The following FAM149B1 variants were observed in gnomAD, a reference collection of about 807,000 sequenced individuals.
FAM149B1 encodes family with sequence similarity 149 member B1, also known as primary cilium assembly protein FAM149B1.
A neutral mutation model predicts 75.3 loss-of-function variants in FAM149B1; 56 were observed. The observed-to-expected ratio is 0.74, with a 90% CI of 0.60 to 0.93. The LOEUF (loss-of-function observed/expected upper bound fraction) is 0.93. FAM149B1 is among the 40% of genes least tolerant of loss of function. The pLI is 0.00. For missense variants in FAM149B1, 639 were observed against 708.4 expected (o/e 0.90, Z 1.11); for synonymous variants, 259 against 256.1 (o/e 1.01, Z -0.11).
intron 1 of FAM149B1, among the ~76,000 whole-genome samples, chr10:73,170,403 C>G (rs1302938337): frequency 6.6e-6 from 1 of 152,022 alleles, no homozygotes; most frequent in African/African-American, 2.4e-5. Context: ...ACTTGGGAGG[C>G]CGAGGCATGA....
At position 73,192,702 on chromosome 10, in the gene FAM149B1, C is replaced by T; in HGVS notation, c.425+4C>T. ...CAGCTAGCTTTCCTCACCTCAGGTA[C>T]TGAAGCCCTCCAGTTGACTTGTATT... On this transcript the variant is annotated splice_donor_region_variant and intron_variant, in intron 4 of 13. Transcript: ENST00000242505. The T allele has an allele frequency of 1.3e-6, 2 of 1,528,642 alleles. No individual in the cohort carries two copies. Among genetic ancestry groups the T allele is most frequent in the Non-Finnish European group, 1.8e-6 (2 of 1,140,476 alleles). 94.7% of individuals were successfully genotyped at this position (1,528,642 alleles called of 1,614,324 possible). A position where few individuals can be genotyped will look rare whatever the true frequency, so the allele number is the denominator to read the frequency against.
At chr10:73,190,299 G>A (rs900171395) in intron 3 of FAM149B1, among the ~76,000 whole-genome samples, 2 of 150,928 alleles carry the variant, frequency 1.3e-5, no homozygotes, top group African/African-American at 4.9e-5. Flanking sequence ...TCAGGTGAAA[G>A]ACAATTTTTT....
chr10:73,188,828 T>C (rs1371274371), intron 3 of FAM149B1, among the ~76,000 whole-genome samples: 1 of 147,726 alleles, frequency 6.8e-6, no homozygotes, highest in Non-Finnish European at 1.5e-5. Context: ...AGATCACAGA[T>C]TGGGAGAGAA....
At chr10:73,205,056 G>A (rs187961764) in intron 5 of FAM149B1, among the ~76,000 whole-genome samples, 14 of 133,702 alleles carry the variant, frequency 1.0e-4, no homozygotes, top group South Asian at 2.4e-4. Context: ...CTTGTGATCC[G>A]CCTGCCTCAG....
In FAM149B1 at chr10:73,193,558, T is replaced by C; in HGVS notation, c.507T>C (p.Tyr169=). 6.4e-7 allele frequency: 1 copy of C among 1,550,968 alleles called. No homozygotes were observed. The highest frequency in any genetic ancestry group is 1.2e-5 in the South Asian group (1 of 84,036). Residue 169 remains tyrosine, a synonymous_variant, in exon 5 of 14, where the codon TAT becomes TAC. Coordinates refer to ENST00000242505, the MANE Select transcript of FAM149B1 (RefSeq NM_173348.2). ...CCCCTTCTGCTGTTTCCGCTTCATA[T>C]GAAACAACCTTGTCTCAAGAAAGAG... ...PRSPSAVSAS[Y]ETTLSQERDS...
At chr10:73,204,255 G>C (rs374007369) in intron 5 of FAM149B1, among the ~76,000 whole-genome samples, 1 of 152,112 alleles carries the variant, frequency 6.6e-6, no homozygotes, top group Non-Finnish European at 1.5e-5. Flanking sequence ...CTCCCAGGTA[G>C]CTGGGATTAC....
At chr10:73,235,153 A>T (rs759716392) in intron 11 of FAM149B1, 40 bp from the exon 12 acceptor site, 4 of 1,548,604 alleles carry the variant, frequency 2.6e-6, no homozygotes, top group Non-Finnish European at 3.5e-6. Context: ...CACATTACAG[A>T]TAGTTTTCAC....
chr10:73,208,783 A>G lies in FAM149B1; in HGVS notation c.707A>G (p.Asp236Gly). 5 of 1,489,930 alleles carry G rather than the reference A, an allele frequency of 3.4e-6. No individual in the cohort carries two copies. The highest frequency in any genetic ancestry group is 3.6e-6 in the Non-Finnish European group (4 of 1,110,682). 92.3% of individuals were successfully genotyped at this position (1,489,930 alleles called of 1,614,324 possible). A position where few individuals can be genotyped will look rare whatever the true frequency, so the allele number is the denominator to read the frequency against. Residue 236 changes from aspartate to glycine, a missense_variant, in exon 6 of 14, where the codon GAT becomes GGT. By Grantham distance (94) the Asp-to-Gly change is moderately conservative. Coordinates refer to ENST00000242505, the MANE Select transcript of FAM149B1 (RefSeq NM_173348.2). ...IEEYLAFDHIDIEEGFHGKKS... is the reference protein window; with the variant it reads ...IEEYLAFDHIGIEEGFHGKKS... ...GAATACCTAGCATTCGATCACATAGATATGTGAGTATTATGCCTTTTAAGC... is the reference window on the plus strand; with the variant it reads ...GAATACCTAGCATTCGATCACATAGGTATGTGAGTATTATGCCTTTTAAGC...
intron 3 of FAM149B1, among the ~76,000 whole-genome samples, chr10:73,187,665 G>T (rs2042562829): frequency 6.6e-6 from 1 of 151,958 alleles, no homozygotes; most frequent in Admixed American, 6.6e-5. Context: ...GGAGGTGGAG[G>T]TTGCTGTGAG....
At chr10:73,230,621 A>C in intron 9 of FAM149B1, 96 bp downstream of exon 9, 1 of 678,830 alleles carries the variant, frequency 1.5e-6, no homozygotes, top group Non-Finnish European at 2.6e-6. Flanking sequence ...AGTGCCAACC[A>C]AGCAACCACA....
At chr10:73,240,583 A>G (rs574653203) in intron 13 of FAM149B1, among the ~76,000 whole-genome samples, 38 of 152,088 alleles carry the variant, frequency 2.5e-4, no homozygotes, top group Non-Finnish European at 3.5e-4. Context: ...GTGGTGGCAG[A>G]TGCCTGTAGT....
At chr10:73,192,518 A>T (rs1223871136) in intron 3 of FAM149B1, 38 bp from the exon 4 acceptor site, 1 of 1,539,602 alleles carries the variant, frequency 6.5e-7, no homozygotes, top group African/African-American at 1.4e-5. Context: ...AGAGTGAATC[A>T]GCTCACCTAA....
At chr10:73,170,323 T>G (rs1269675323) in intron 1 of FAM149B1, among the ~76,000 whole-genome samples, 1 of 152,088 alleles carries the variant, frequency 6.6e-6, no homozygotes, top group African/African-American at 2.4e-5. Context: ...GGCAACATGG[T>G]GAAACCCTGT....
rs1046226733 is a variant in FAM149B1 at position 73,193,512 on chromosome 10, G to T, written c.461G>T (p.Gly154Val). The change falls in exon 5 of 14, where the codon GGT becomes GTT. Residue 154 changes from glycine to valine, a missense_variant. Transcript: ENST00000242505. The part of the protein sequence containing the change: ...LGRQIITPSE[G>V]YRLYPRSPSA... Reference sequence around the variant, plus strand: ...AGGCAGATAATCACTCCAAGTGAAGGTTATAGATTGTATCCTAGATCCCCT... The same window carrying T: ...AGGCAGATAATCACTCCAAGTGAAGTTTATAGATTGTATCCTAGATCCCCT... 1.9e-6 allele frequency: 3 copies of T among 1,550,122 alleles called. No individual in the cohort carries two copies. The African/African-American group carries it at 4.1e-5, about 21-fold the overall frequency.
chr10:73,240,798 A>G (rs2043932439), intron 13 of FAM149B1, 148 bp from the exon 14 acceptor site: 1 of 575,774 alleles, frequency 1.7e-6, no homozygotes, highest in Non-Finnish European at 3.1e-6. Context: ...CTTTTTAATT[A>G]GTGGGCTCTT....
chr10:73,198,112 C>T (rs1938639608), intron 5 of FAM149B1, among the ~76,000 whole-genome samples: 2 of 152,166 alleles, frequency 1.3e-5, no homozygotes, highest in African/African-American at 2.4e-5. Flanking sequence ...GGGTAAAGGA[C>T]AGTCTCTTTA....
Position 73,235,258 on chromosome 10 carries a change from A to C in FAM149B1, c.1542A>C (p.Pro514=). ...AVVDEPNYQQ[P]QERLLLPDFF... is the part of the protein sequence containing the mutation. The stretch of plus-strand genomic sequence containing the variant: ...TGGATGAACCTAACTATCAGCAGCC[A>C]CAAGAAAGGCTCCTTTTGCCCGACT... The change falls in exon 12 of 14, where the codon CCA becomes CCC. Residue 514 remains proline (P), a synonymous_variant. Coordinates refer to ENST00000242505, the MANE Select transcript of FAM149B1 (RefSeq NM_173348.2). 6.4e-7 allele frequency: 1 copy of C among 1,552,060 alleles called. No homozygotes were observed. Among genetic ancestry groups the C allele is most frequent in the Non-Finnish European group, 8.7e-7 (1 of 1,147,040 alleles).
chr10:73,229,349 T>A (rs2043630534), intron 8 of FAM149B1, among the ~76,000 whole-genome samples: 1 of 152,016 alleles, frequency 6.6e-6, no homozygotes, highest in Non-Finnish European at 1.5e-5. Context: ...CCAAGGTGGG[T>A]GGGTCATTTG....
chr10:73,210,405 T>G lies in FAM149B1; in HGVS notation c.865T>G (p.Leu289Val). 1.3e-6 allele frequency: 2 copies of G among 1,545,786 alleles called. No homozygotes were observed. Among genetic ancestry groups the G allele is most frequent in the Non-Finnish European group, 1.7e-6 (2 of 1,145,004 alleles). The stretch of plus-strand genomic sequence containing the variant: ...CAAGGTTGTGAGCTGTATGGAGCAG[T>G]TGACACGTAGTCACTGGGAAGGATT... ...WCKVVSCMEQ[L>V]TRSHWEGFAS... Residue 289 changes from leucine to valine, a missense_variant, in exon 7 of 14, where the codon TTG (leucine) becomes GTG (valine). By Grantham distance (32) the Leu-to-Val change is conservative (BLOSUM62 1). Transcript: ENST00000242505.
Sources: allele counts gnomAD v4.1 joint callset (sites outside exome capture counted in the v4.1 genomes callset), GRCh38; gene constraint gnomAD v4.1.1; transcripts MANE v1.5; gene names NCBI Gene and HGNC (gene_info 2026-07-23, HGNC 2026-07-21).